The following TRPM3 variants were observed in gnomAD, a reference collection of about 807,000 sequenced individuals.
The protein encoded by TRPM3 is transient receptor potential cation channel subfamily M member 3, also known as long transient receptor potential channel 3.
Under a neutral mutation model 181.2 loss-of-function variants are expected in TRPM3, and 77 were observed. The ratio of observed to expected loss-of-function variants is 0.42; its 90% confidence interval spans 0.35 to 0.51. The LOEUF is 0.51. Ranked by LOEUF, TRPM3 falls within the 20% of genes least tolerant of loss-of-function variation. The pLI, the probability that TRPM3 is intolerant of heterozygous loss-of-function variation, is 0.01. For synonymous variants in TRPM3, 745 were observed against 796.4 expected (o/e 0.94, Z 1.09); for missense variants, 1,759 against 2,196.7 (o/e 0.80, Z 3.98).
rs2041822499 is a variant in TRPM3 at position 70,536,598 on chromosome 9, G to A, written c.4515C>T (p.Tyr1505=). The part of the protein sequence containing the change: ...QNPWDSEPPM[Y]HTIERSKSSR... ...TACTTTTGGAACGCTCAATGGTGTG[G>A]TACATCGGAGGCTCTGAGTCCCAGG... The change falls in exon 26 of 26, where the codon TAC becomes TAT. Residue 1505 remains tyrosine (Y), a synonymous_variant. Transcript: ENST00000677713. 3 of 1,614,020 alleles carry A rather than the reference G, an allele frequency of 1.9e-6. No individual in the cohort carries two copies. In the African/African-American group the frequency reaches 4.0e-5, roughly 22 times the overall value.
intron 1 of TRPM3, among the ~76,000 whole-genome samples, chr9:71,171,828 T>A (rs528278551): frequency 2.0e-5 from 3 of 152,126 alleles, no homozygotes; most frequent in Admixed American, 2.0e-4. Flanking sequence ...GCTTCACACA[T>A]CTAAGACCAG....
chr9:71,279,023 T>C (rs146833391), intron 1 of TRPM3, among the ~76,000 whole-genome samples: 1 of 130,438 alleles, frequency 7.7e-6, no homozygotes, highest in Admixed American at 8.5e-5. Flanking sequence ...ACCAAACTTA[T>C]CCTGCTTAGG....
intron 6 of TRPM3, among the ~76,000 whole-genome samples, chr9:70,813,406 T>A (rs1468590760): frequency 1.3e-5 from 2 of 152,066 alleles, no homozygotes; most frequent in African/African-American, 4.8e-5. Flanking sequence ...CCTAGGCAAA[T>A]TAACATAAAA....
chr9:71,366,072 A>G (rs1413316080), intron 1 of TRPM3, among the ~76,000 whole-genome samples: 1 of 152,150 alleles, frequency 6.6e-6, no homozygotes, highest in East Asian at 1.9e-4. Flanking sequence ...CTTTTCAGAG[A>G]TTGGTCATCA....
intron 1 of TRPM3, among the ~76,000 whole-genome samples, chr9:70,915,368 G>C (rs1230448214): frequency 1.3e-5 from 2 of 151,960 alleles, no homozygotes; most frequent in African/African-American, 4.8e-5. Flanking sequence ...CCCAATCTCG[G>C]CTCACTGCAA....
At chr9:70,851,217 C>A (rs192802994) in intron 3 of TRPM3, among the ~76,000 whole-genome samples, 2 of 152,134 alleles carry the variant, frequency 1.3e-5, no homozygotes, top group Non-Finnish European at 2.9e-5. Context: ...AATACAAGAA[C>A]CTTGTATATT....
At chr9:71,147,895 T>A (rs1018481830) in intron 1 of TRPM3, among the ~76,000 whole-genome samples, 1 of 152,152 alleles carries the variant, frequency 6.6e-6, no homozygotes, top group Non-Finnish European at 1.5e-5. Context: ...CAACATTTCT[T>A]TTTCCAGAAT....
intron 8 of TRPM3, among the ~76,000 whole-genome samples, chr9:70,743,976 T>C (rs886140448): frequency 6.6e-6 from 1 of 152,178 alleles, no homozygotes; most frequent in African/African-American, 2.4e-5. Flanking sequence ...GCCAGAGGTA[T>C]TAAAATTCTA....
chr9:70,978,351 G>C (rs1234226530), intron 1 of TRPM3, among the ~76,000 whole-genome samples: 1 of 152,174 alleles, frequency 6.6e-6, no homozygotes, highest in Non-Finnish European at 1.5e-5. Context: ...ATGCAATTCA[G>C]CCAGTTAAGT....
At chr9:70,838,136 T>C (rs973325007) in intron 5 of TRPM3, among the ~76,000 whole-genome samples, 1 of 152,192 alleles carries the variant, frequency 6.6e-6, no homozygotes, top group Non-Finnish European at 1.5e-5. Context: ...AGAGTTTAAG[T>C]GGCATGTCAA....
At chr9:71,134,053 ATC>A (rs940536417) in intron 1 of TRPM3, among the ~76,000 whole-genome samples, 27 of 150,742 alleles carry the variant, frequency 1.8e-4, no homozygotes, top group Admixed American at 1.3e-3. Context: ...TTGCATCTCA[ATC>A]TCTCTCTCAT....
At chr9:71,017,361 T>C (rs558962773) in intron 1 of TRPM3, among the ~76,000 whole-genome samples, 1 of 151,978 alleles carries the variant, frequency 6.6e-6, no homozygotes, top group East Asian at 1.9e-4. Flanking sequence ...ACATAAAATA[T>C]AAATGGACAA....
Position 70,653,603 on chromosome 9 carries a change from A to C in TRPM3, c.1346-12943T>G, listed in dbSNP as rs1215416112. ...TTTGGCTAAAATTCCTCACAGCTGCAAAAGAGGAAAACAAAACAATACAAA... is the reference window on the plus strand; with the variant it reads ...TTTGGCTAAAATTCCTCACAGCTGCCAAAGAGGAAAACAAAACAATACAAA... On this transcript the variant is annotated intron_variant, in intron 9 of 25. Coordinates refer to ENST00000677713, the MANE Select transcript of TRPM3 (RefSeq NM_001366145.2). Among the ~76,000 whole-genome samples, 3 of 151,682 alleles carry C rather than the reference A, an allele frequency of 2.0e-5. No homozygotes were observed. In the East Asian group the frequency reaches 5.8e-4, roughly 29 times the overall value.
intron 1 of TRPM3, among the ~76,000 whole-genome samples, chr9:71,312,971 G>C (rs996592163): frequency 2.6e-4 from 40 of 152,094 alleles, no homozygotes; most frequent in African/African-American, 8.7e-4. Flanking sequence ...CAATGGGAGA[G>C]ACATGTCATT....
chr9:71,165,013 G>A (rs1008646130), intron 1 of TRPM3, among the ~76,000 whole-genome samples: 9 of 152,092 alleles, frequency 5.9e-5, no homozygotes, highest in African/African-American at 2.2e-4. Flanking sequence ...CACATACTAA[G>A]TCTGATTGAT....
chr9:71,205,354 G>C (rs1186515637), intron 1 of TRPM3, among the ~76,000 whole-genome samples: 1 of 152,060 alleles, frequency 6.6e-6, no homozygotes, highest in Non-Finnish European at 1.5e-5. Flanking sequence ...TTACAAAAAA[G>C]CTTCTCATTC....
intron 1 of TRPM3, among the ~76,000 whole-genome samples, chr9:71,356,216 CA>C (rs1187449430): frequency 1.3e-5 from 2 of 151,984 alleles, no homozygotes; most frequent in Non-Finnish European, 2.9e-5. Context: ...ATTTTAAGTT[CA>C]GGGGTACATG....
chr9:70,798,951 G>A (rs908742162), intron 6 of TRPM3, among the ~76,000 whole-genome samples: 1 of 152,184 alleles, frequency 6.6e-6, no homozygotes, highest in Non-Finnish European at 1.5e-5. Context: ...ACATCTGAAA[G>A]AGCCCAGATT....
intron 1 of TRPM3, among the ~76,000 whole-genome samples, chr9:70,991,996 C>T (rs1208858883): frequency 6.6e-6 from 1 of 152,202 alleles, no homozygotes; most frequent in African/African-American, 2.4e-5. Context: ...TCCCTCTTGA[C>T]ACTCTGTCTG....
Sources: gnomAD v4.1 joint callset for allele counts (sites outside exome capture counted in the v4.1 genomes callset) on GRCh38, gnomAD v4.1.1 for gene constraint, MANE v1.5 for transcripts, NCBI Gene and HGNC (gene_info 2026-07-23, HGNC 2026-07-21) for gene names.